HERC3: variants seen among roughly 807,000 people sequenced by gnomAD.
HERC3 encodes HECT and RLD domain containing E3 ubiquitin protein ligase 3.
Under a neutral mutation model 129.9 loss-of-function variants are expected in HERC3, and 58 were observed. That is an observed-to-expected ratio of 0.45 (90% CI 0.36 to 0.56). HERC3 has a LOEUF of 0.56. Ranked by LOEUF, HERC3 falls within the 20% of genes least tolerant of loss-of-function variation. The pLI is 0.00. For missense variants in HERC3, 835 were observed against 1,244.2 expected, an observed-to-expected ratio of 0.67 and a Z score of 4.95; for synonymous variants, 430 against 451.0, an observed-to-expected ratio of 0.95 and a Z score of 0.59.
the HERC3 span, chr4:88,527,609 C>T: frequency 4.7e-5 from 11 of 231,740 alleles, 1 homozygote; most frequent in South Asian, 3.5e-4. Flanking sequence ...GGGATGTACC[C>T]GCTGATCCAC....
chr4:88,702,729 A>C (rs1416227459), intron 23 of HERC3, among the ~76,000 whole-genome samples: 2 of 152,208 alleles, frequency 1.3e-5, no homozygotes, highest in African/African-American at 4.8e-5. Context: ...CACACATGTT[A>C]GCGTCTCTGC....
At chr4:88,623,120 T>G (rs1578187611) in intron 3 of HERC3, among the ~76,000 whole-genome samples, 1 of 152,232 alleles carries the variant, frequency 6.6e-6, no homozygotes. Flanking sequence ...TAGTTTCTTA[T>G]GTAATGATGA....
chr4:88,618,673 C>T (rs1185843292), intron 3 of HERC3, among the ~76,000 whole-genome samples: 1 of 152,134 alleles, frequency 6.6e-6, no homozygotes, highest in East Asian at 1.9e-4. Context: ...AAGGAAGGTA[C>T]CAGTACATTC....
At chr4:88,606,592 G>A (rs1252942985) in intron 3 of HERC3, among the ~76,000 whole-genome samples, 2 of 152,150 alleles carry the variant, frequency 1.3e-5, no homozygotes, top group African/African-American at 2.4e-5. Flanking sequence ...GGTTTATTGG[G>A]TTTACAGTTC....
chr4:88,554,766 A>G, the HERC3 span, among the ~76,000 whole-genome samples: 73 of 152,268 alleles, frequency 4.8e-4, no homozygotes, highest in African/African-American at 1.8e-3. Context: ...TAGAGTCAGA[A>G]TTATGGTGAT....
chr4:88,692,936 G>C, intron 23 of HERC3: 2 of 985,274 alleles, frequency 2.0e-6, no homozygotes, highest in Non-Finnish European at 2.4e-6. Context: ...GCTGTTTTTC[G>C]TTTCAGGCTG....
At chr4:88,526,577 T>A in the HERC3 span, among the ~76,000 whole-genome samples, 1 of 152,214 alleles carries the variant, frequency 6.6e-6, no homozygotes, top group Admixed American at 6.5e-5. Flanking sequence ...CTCTGTGTCA[T>A]CCAGGCTGGA....
chr4:88,631,785 C>T (rs1488172478), intron 3 of HERC3, among the ~76,000 whole-genome samples: 1 of 152,138 alleles, frequency 6.6e-6, no homozygotes, highest in Non-Finnish European at 1.5e-5. Context: ...TTTAAAAGGA[C>T]ACAAAGCAGG....
At chr4:88,593,305 G>A (rs1039331900) in intron 1 of HERC3, 3 of 152,886 alleles carry the variant, frequency 2.0e-5, no homozygotes, top group Admixed American at 1.3e-4. Flanking sequence ...GGACCGACGC[G>A]GGGGTGTCAG....
At chr4:88,674,987 T>C (rs1182418527) in intron 16 of HERC3, among the ~76,000 whole-genome samples, 1 of 152,236 alleles carries the variant, frequency 6.6e-6, no homozygotes, top group Non-Finnish European at 1.5e-5. Context: ...ACTACTGATA[T>C]AGTACAATTA....
intron 16 of HERC3, among the ~76,000 whole-genome samples, chr4:88,675,286 C>T (rs1170307974): frequency 6.6e-6 from 1 of 152,232 alleles, no homozygotes; most frequent in African/African-American, 2.4e-5. Flanking sequence ...GGAGCATCCA[C>T]ATGCCAAGAC....
chr4:88,570,104 T>A, the HERC3 span, among the ~76,000 whole-genome samples: 1 of 152,212 alleles, frequency 6.6e-6, no homozygotes, highest in Non-Finnish European at 1.5e-5. Context: ...AGAACCATGA[T>A]GGCTTGTTTC....
chr4:88,691,609 C>CTA (rs1385780213), intron 23 of HERC3, among the ~76,000 whole-genome samples: 1 of 152,144 alleles, frequency 6.6e-6, no homozygotes, highest in African/African-American at 2.4e-5. Flanking sequence ...GTACTCTTTA[C>CTA]TATAGCTGTT....
intron 23 of HERC3, chr4:88,697,398 C>G (rs1266054252): frequency 1.2e-6 from 2 of 1,613,988 alleles, no homozygotes; most frequent in African/African-American, 2.7e-5. Context: ...GCTCTTGGAT[C>G]TTGGCGAGTA....
chr4:88,555,218 G>A, the HERC3 span, among the ~76,000 whole-genome samples: 1 of 151,234 alleles, frequency 6.6e-6, no homozygotes, highest in South Asian at 2.1e-4. Flanking sequence ...GGGAGGCGGA[G>A]GTTGCAGTGA....
the HERC3 span, among the ~76,000 whole-genome samples, chr4:88,566,962 G>A: frequency 6.6e-5 from 10 of 151,486 alleles, no homozygotes; most frequent in Admixed American, 5.9e-4. Flanking sequence ...GCTAATTTTT[G>A]TTTTTTTTGT....
chr4:88,669,388 A>T (rs928285198), intron 14 of HERC3, among the ~76,000 whole-genome samples: 2 of 152,134 alleles, frequency 1.3e-5, no homozygotes, highest in Non-Finnish European at 2.9e-5. Context: ...TAAAAATCGT[A>T]GTTTTTCAAC....
chr4:88,572,417 C>T, the HERC3 span, among the ~76,000 whole-genome samples: 1 of 150,816 alleles, frequency 6.6e-6, no homozygotes, highest in South Asian at 2.1e-4. Context: ...CAGAGCAAAA[C>T]CCTGCCTCAA....
At chr4:88,656,871 AG>A (rs1729956920) in intron 9 of HERC3, 1 of 152,358 alleles carries the variant, frequency 6.6e-6, no homozygotes, top group African/African-American at 2.4e-5. Flanking sequence ...AATTTGCCCA[AG>A]ATCACATAGA....
Sources: allele counts gnomAD v4.1 joint callset (sites outside exome capture counted in the v4.1 genomes callset), GRCh38; gene constraint gnomAD v4.1.1; transcripts MANE v1.5; gene names NCBI Gene and HGNC (gene_info 2026-07-23, HGNC 2026-07-21).